FRMD4A: variants seen among roughly 807,000 people sequenced by gnomAD.
FRMD4A encodes the protein FERM domain-containing protein 4A.
In FRMD4A, 29 loss-of-function variants were observed where a neutral mutation model predicts 129.1. The ratio of observed to expected loss-of-function variants is 0.22; its 90% CI spans 0.17 to 0.31. FRMD4A has a LOEUF of 0.31. FRMD4A is among the 10% of genes least tolerant of loss of function. The pLI, the probability that FRMD4A is intolerant of heterozygous loss-of-function variation, is 1.00. For synonymous variants in FRMD4A, 634 were observed against 571.6 expected (o/e 1.11, Z -1.56); for missense variants, 1,272 against 1,375.8 (o/e 0.92, Z 1.19).
intron 2 of FRMD4A, among the ~76,000 whole-genome samples, chr10:13,872,028 C>G (rs1409515424): frequency 2.0e-5 from 3 of 152,262 alleles, no homozygotes; most frequent in African/African-American, 7.2e-5. Flanking sequence ...ATCTATAAAA[C>G]AGAGATGACA....
Position 14,166,785 on chromosome 10 carries a change from A to C in FRMD4A, c.45+163273T>G, listed in dbSNP as rs191081479. 2.9e-3 allele frequency among the ~76,000 whole-genome samples: 444 copies of C among 152,292 alleles called. 1 individual carries two copies. Among genetic ancestry groups the C allele is most frequent in the Middle Eastern group, 0.01 (3 of 294 alleles). On this transcript the variant is annotated intron_variant, in intron 2 of 24. Coordinates refer to ENST00000357447, the MANE Select transcript of FRMD4A (RefSeq NM_018027.5). ...CCTTCACTCTGTGGAATTTGCCCAT[A>C]TTATTTCATGGAGATAGTTCTACCC...
intron 2 of FRMD4A, among the ~76,000 whole-genome samples, chr10:14,325,421 C>T (rs998221968): frequency 6.6e-6 from 1 of 152,220 alleles, no homozygotes; most frequent in Non-Finnish European, 1.5e-5. Context: ...GTCTCCCAAA[C>T]AAGATCCAGA....
At chr10:14,024,598 A>G (rs1832906412) in intron 2 of FRMD4A, among the ~76,000 whole-genome samples, 1 of 152,262 alleles carries the variant, frequency 6.6e-6, no homozygotes, top group African/African-American at 2.4e-5. Flanking sequence ...CTGTGTAGCC[A>G]GAAACTGTAC....
chr10:14,321,859 A>T (rs969092543), intron 2 of FRMD4A, among the ~76,000 whole-genome samples: 3 of 152,152 alleles, frequency 2.0e-5, no homozygotes, highest in Non-Finnish European at 4.4e-5. Context: ...AGGTGATTGT[A>T]TCATGGGGGC....
At chr10:13,754,568 G>A (rs1420198889) in intron 8 of FRMD4A, among the ~76,000 whole-genome samples, 2 of 11,460 alleles carry the variant, frequency 1.7e-4, no homozygotes, top group Non-Finnish European at 2.6e-4. Context: ...CAATTCTTTC[G>A]TGTGTGTGTG....
In FRMD4A at chr10:14,008,105, T is replaced by C; in HGVS notation, c.46-149193A>G. On this transcript the variant is annotated intron_variant, in intron 2 of 24. Coordinates refer to ENST00000357447, the MANE Select transcript of FRMD4A (RefSeq NM_018027.5). ...TCAGAGATCCATAAGGAATTTTCAG[T>C]AAAAGTCTTTGGGATCTATTCGGAG... is the stretch of plus-strand genomic sequence containing the variant. 4.6e-6 allele frequency: 6 copies of C among 1,303,350 alleles called. No individual in the cohort carries two copies. In the South Asian group the frequency reaches 7.4e-5, roughly 16 times the overall value. 80.7% of individuals were successfully genotyped at this position (1,303,350 alleles called of 1,614,324 possible).
rs758111344 is a variant in FRMD4A at position 13,656,895 on chromosome 10, C to T, written c.2694G>A (p.Pro898=). ...GDEGDTGRLT[P]SRSQILRTPS... ...GAGTCCGCAGGATCTGCGATCGCGACGGCGTCAGGCGGCCCGTGTCGCCCT... is the reference window on the plus strand; with the variant it reads ...GAGTCCGCAGGATCTGCGATCGCGATGGCGTCAGGCGGCCCGTGTCGCCCT... The change falls in exon 22 of 25, where the codon CCG becomes CCA. Residue 898 remains proline (P), a synonymous_variant. Transcript: ENST00000357447. 6.1e-6 allele frequency: 9 copies of T among 1,476,472 alleles called. No individual in the cohort carries two copies. The highest frequency in any genetic ancestry group is 1.3e-5 in the South Asian group (1 of 76,260). The allele number at this position is 1,476,472 out of a possible 1,614,324, so 91.5% of individuals were successfully genotyped here.
chr10:13,680,500 G>A (rs7913653), intron 15 of FRMD4A, among the ~76,000 whole-genome samples: 3 of 151,714 alleles, frequency 2.0e-5, no homozygotes. Context: ...GGCCGAGGTG[G>A]GCAGATCAGG....
At chr10:14,182,146 T>C (rs77281969) in intron 2 of FRMD4A, among the ~76,000 whole-genome samples, 6,585 of 152,270 alleles carry the variant, frequency 0.043, 233 homozygotes, top group Non-Finnish European at 0.067. Context: ...TTATCAAACC[T>C]AGACTGGGGA....
intron 19 of FRMD4A, among the ~76,000 whole-genome samples, chr10:13,662,912 T>C (rs1208126108): frequency 6.7e-6 from 1 of 149,184 alleles, no homozygotes; most frequent in Non-Finnish European, 1.5e-5. Context: ...TCTGTCTAGC[T>C]AAACGTGGTT....
chr10:13,788,949 C>G (rs943253912), intron 5 of FRMD4A, among the ~76,000 whole-genome samples: 4 of 152,236 alleles, frequency 2.6e-5, no homozygotes, highest in African/African-American at 9.6e-5. Context: ...CCTGCTCTCC[C>G]TTTCCCTTCC....
intron 2 of FRMD4A, among the ~76,000 whole-genome samples, chr10:14,053,971 C>T (rs982722156): frequency 2.6e-5 from 4 of 152,148 alleles, no homozygotes; most frequent in Non-Finnish European, 5.9e-5. Context: ...CACCCCACTG[C>T]ACTCCAGCCT....
At chr10:13,825,435 T>G (rs1177310225) in intron 3 of FRMD4A, among the ~76,000 whole-genome samples, 9 of 152,156 alleles carry the variant, frequency 5.9e-5, no homozygotes, top group African/African-American at 2.2e-4. Flanking sequence ...GCAGCAGTAT[T>G]AGATTCTCCC....
At chr10:14,029,223 A>C (rs546059761) in intron 2 of FRMD4A, among the ~76,000 whole-genome samples, 99 of 152,014 alleles carry the variant, frequency 6.5e-4, no homozygotes, top group African/African-American at 2.3e-3. Context: ...TTAACGTTTT[A>C]GTGGTAAGAT....
At chr10:14,183,174 A>AT (rs1841967630) in intron 2 of FRMD4A, among the ~76,000 whole-genome samples, 1 of 152,160 alleles carries the variant, frequency 6.6e-6, no homozygotes, top group Non-Finnish European at 1.5e-5. Context: ...CTTAGACTCG[A>AT]TTTTTCTTAA....
At chr10:13,798,326 C>T (rs983239812) in intron 4 of FRMD4A, among the ~76,000 whole-genome samples, 4 of 151,740 alleles carry the variant, frequency 2.6e-5, no homozygotes, top group Non-Finnish European at 4.4e-5. Flanking sequence ...GTAGGAGAAT[C>T]GCTTGAACCC....
At chr10:14,298,682 C>T (rs891392454) in intron 2 of FRMD4A, among the ~76,000 whole-genome samples, 5 of 152,186 alleles carry the variant, frequency 3.3e-5, no homozygotes, top group South Asian at 2.1e-4. Context: ...GGGATCAACA[C>T]GTTGCTGATT....
At chr10:13,958,281 G>A (rs7098062) in intron 2 of FRMD4A, among the ~76,000 whole-genome samples, 7,349 of 104,934 alleles carry the variant, frequency 0.07, 531 homozygotes, top group Non-Finnish European at 0.1. Flanking sequence ...CATGACCATT[G>A]TTTTTTTTTT....
intron 22 of FRMD4A, chr10:13,654,813 T>A (rs953076557): frequency 1.3e-5 from 6 of 457,730 alleles, no homozygotes; most frequent in Non-Finnish European, 2.3e-5. Context: ...CACCAGGAGG[T>A]AGGCATAGGG....
Sources: allele counts gnomAD v4.1 joint callset (sites outside exome capture counted in the v4.1 genomes callset), GRCh38; gene constraint gnomAD v4.1.1; transcripts MANE v1.5; gene names NCBI Gene and HGNC (gene_info 2026-07-23, HGNC 2026-07-21).